BICC1: variants seen among roughly 807,000 people sequenced by gnomAD.
BICC1 encodes protein bicaudal C homolog 1.
A neutral mutation model predicts 111.0 loss-of-function variants in BICC1; 43 were observed. That is an observed-to-expected ratio of 0.39 (90% CI 0.30 to 0.50). The LOEUF (loss-of-function observed/expected upper bound fraction) is 0.50. Among genes scored for constraint, BICC1 ranks in the 20% least tolerant of loss-of-function variants. BICC1 has a pLI of 0.88. For synonymous variants in BICC1, 467 were observed against 434.4 expected (o/e 1.07, Z -0.93); for missense variants, 1,091 against 1,203.2 (o/e 0.91, Z 1.38).
chr10:58,574,887 T>C (rs1469297313), intron 1 of BICC1, among the ~76,000 whole-genome samples: 7 of 152,284 alleles, frequency 4.6e-5, no homozygotes, highest in African/African-American at 1.7e-4. Flanking sequence ...CATTTCTTCT[T>C]CTGCATTCAA....
At chr10:58,650,195 C>T (rs910592965) in intron 2 of BICC1, 2 of 152,166 alleles carry the variant, frequency 1.3e-5, no homozygotes, top group East Asian at 3.9e-4. Context: ...TATTTCCTCT[C>T]TCTGTCTCTT....
At position 58,800,246 on chromosome 10, in the gene BICC1, T is replaced by C; in HGVS notation, c.1778T>C (p.Val593Ala). 1 of 1,612,496 alleles carries C rather than the reference T, an allele frequency of 6.2e-7. No homozygotes were observed. The highest frequency in any genetic ancestry group is 2.2e-5 in the East Asian group (1 of 44,780). ...AISTSSLGEK[V>A]LSANHGDPSI... ...TCCACTTCATCACTTGGAGAAAAAG[T>C]GCTGAGTGCAAATCACGGGGATCCG... is the stretch of plus-strand genomic sequence containing the variant. The change falls in exon 13 of 21, where the codon GTG (valine) becomes GCG (alanine). Residue 593 changes from valine to alanine, a missense_variant. Around this residue, in one of 3 missense-constraint regions of BICC1, gnomAD observed 843 missense variants for 900.8 expected, o/e 0.94. Transcript: ENST00000373886.
At chr10:58,753,889 C>T (rs1187711846) in intron 3 of BICC1, among the ~76,000 whole-genome samples, 2 of 151,908 alleles carry the variant, frequency 1.3e-5, no homozygotes, top group Non-Finnish European at 2.9e-5. Flanking sequence ...TTTCATTTTT[C>T]TTCCCCCCCT....
intron 2 of BICC1, among the ~76,000 whole-genome samples, chr10:58,677,411 A>G (rs899221664): frequency 6.6e-6 from 1 of 152,242 alleles, no homozygotes; most frequent in African/African-American, 2.4e-5. Context: ...AGCATATACA[A>G]GTATCAAGAA....
intron 1 of BICC1, among the ~76,000 whole-genome samples, chr10:58,564,968 T>A (rs1051281444): frequency 2.0e-4 from 30 of 152,312 alleles, no homozygotes; most frequent in East Asian, 3.9e-4. Context: ...TCCCTTTTTT[T>A]AAAATTATTT....
At chr10:58,816,677 CCA>C in intron 18 of BICC1, among the ~76,000 whole-genome samples, 1 of 151,428 alleles carries the variant, frequency 6.6e-6, no homozygotes, top group East Asian at 2.0e-4. Flanking sequence ...GACAGATTTC[CCA>C]CACAGGCAAG....
chr10:58,807,986 A>G (rs1450330828), intron 17 of BICC1, among the ~76,000 whole-genome samples: 3 of 152,182 alleles, frequency 2.0e-5, no homozygotes, highest in African/African-American at 7.2e-5. Flanking sequence ...TGTTAGTCTA[A>G]TAACTAGCAT....
intron 2 of BICC1, among the ~76,000 whole-genome samples, chr10:58,633,977 C>CTTTTTTTTTTCTT (rs1837873528): frequency 7.2e-6 from 1 of 138,168 alleles, no homozygotes; most frequent in South Asian, 2.2e-4. Context: ...TTTTCTTTTT[C>CTTTTTTTTTTCTT]TTTTTTTTTT....
chr10:58,729,215 C>T (rs572151763), intron 3 of BICC1, among the ~76,000 whole-genome samples: 25 of 152,282 alleles, frequency 1.6e-4, no homozygotes, highest in Middle Eastern at 3.4e-3. Context: ...GTTTTGTCTA[C>T]GTTGAAAATT....
intron 3 of BICC1, among the ~76,000 whole-genome samples, chr10:58,751,557 G>A (rs760012360): frequency 3.3e-5 from 5 of 152,092 alleles, no homozygotes; most frequent in African/African-American, 4.8e-5. Context: ...GTGTGTTAGG[G>A]ATGTCTAACT....
At chr10:58,718,707 C>CTAAAGACTAG in intron 3 of BICC1, among the ~76,000 whole-genome samples, 1 of 151,046 alleles carries the variant, frequency 6.6e-6, no homozygotes, top group African/African-American at 2.4e-5. Flanking sequence ...AATAAATTAT[C>CTAAAGACTAG]TAAAGACTAG....
At position 58,703,306 on chromosome 10, in the gene BICC1, G is replaced by GCAC. The variant is rs3076279; in HGVS notation, c.307+1163_307+1164insCAC. On this transcript the variant is annotated intron_variant, in intron 3 of 20. Coordinates refer to ENST00000373886, the MANE Select transcript of BICC1 (RefSeq NM_001080512.3). ...CAGACTCAAGTAGCTGGGACTATAGGACACCACCATGCTTGGGTAATGTTT... is the reference window on the plus strand; with the variant it reads ...CAGACTCAAGTAGCTGGGACTATAGGCACACACCACCATGCTTGGGTAATGTTT... Among the ~76,000 whole-genome samples the GCAC allele has an allele frequency of 8.9e-3, 1,346 of 151,786 alleles. 15 individuals carry two copies. Among genetic ancestry groups the GCAC allele is most frequent in the Non-Finnish European group, 0.015 (1,015 of 68,006 alleles).
intron 9 of BICC1, among the ~76,000 whole-genome samples, chr10:58,795,685 C>T (rs183938127): frequency 8.9e-4 from 136 of 152,010 alleles, no homozygotes; most frequent in African/African-American, 3.0e-3. Context: ...GGGCTTTCCC[C>T]TTTGAGTTCA....
At chr10:58,754,146 T>C (rs933980985) in intron 3 of BICC1, among the ~76,000 whole-genome samples, 1 of 152,174 alleles carries the variant, frequency 6.6e-6, no homozygotes, top group African/African-American at 2.4e-5. Flanking sequence ...TTGTTTTGCT[T>C]TGGTTTTGAC....
chr10:58,635,234 G>A (rs1240943589), intron 2 of BICC1, among the ~76,000 whole-genome samples: 1 of 152,156 alleles, frequency 6.6e-6, no homozygotes, highest in Non-Finnish European at 1.5e-5. Flanking sequence ...AGAAATACAG[G>A]CATTTACAGT....
At chr10:58,612,045 G>A (rs1016033078) in intron 1 of BICC1, among the ~76,000 whole-genome samples, 1 of 152,132 alleles carries the variant, frequency 6.6e-6, no homozygotes, top group African/African-American at 2.4e-5. Flanking sequence ...GGTAATTAGA[G>A]AGGGAAAAGA....
intron 3 of BICC1, among the ~76,000 whole-genome samples, chr10:58,708,771 C>T (rs912552086): frequency 6.6e-6 from 1 of 152,166 alleles, no homozygotes; most frequent in Non-Finnish European, 1.5e-5. Flanking sequence ...ATGGAGCTGC[C>T]GTGTTGGACC....
chr10:58,801,020 G>T lies in BICC1; in HGVS notation c.1989G>T (p.Leu663Phe). 6.2e-7 allele frequency: 1 copy of T among 1,608,268 alleles called. No individual in the cohort carries two copies. The highest frequency in any genetic ancestry group is 1.1e-5 in the South Asian group (1 of 89,918). Reference protein sequence around the residue: ...SCAKRQTVELLQGTKNSHLHS... With the variant: ...SCAKRQTVELFQGTKNSHLHS... ...CCAAAAGGCAGACAGTGGAACTATT[G>T]CAAGGCACGAAAAACTCACACTTAC... is the stretch of plus-strand genomic sequence containing the variant. The change falls in exon 14 of 21, where the codon TTG becomes TTT. Residue 663 changes from leucine to phenylalanine, a missense_variant. Coordinates refer to ENST00000373886, the MANE Select transcript of BICC1 (RefSeq NM_001080512.3).
intron 1 of BICC1, among the ~76,000 whole-genome samples, chr10:58,578,207 C>T (rs1422263644): frequency 6.6e-6 from 1 of 152,170 alleles, no homozygotes; most frequent in Non-Finnish European, 1.5e-5. Context: ...TCCTGTGTGT[C>T]ATTTTCAGCA....
Sources: gnomAD v4.1 joint callset for allele counts (sites outside exome capture counted in the v4.1 genomes callset) on GRCh38, gnomAD v4.1.1 for gene constraint, gnomAD v4.1.1 regional missense constraint, MANE v1.5 for transcripts, NCBI Gene and HGNC (gene_info 2026-07-23, HGNC 2026-07-21) for gene names.